Variants in NPAS3 observed in about 807,000 individuals in gnomAD.
NPAS3 encodes neuronal PAS domain-containing protein 3.
A neutral mutation model predicts 73.1 loss-of-function variants in NPAS3; 14 were observed. The ratio of observed to expected loss-of-function variants is 0.19; its 90% CI spans 0.13 to 0.30. The LOEUF is 0.30. Among genes scored for constraint, NPAS3 ranks in the 10% least tolerant of loss-of-function variants. The pLI is 1.00. For synonymous variants in NPAS3, 620 were observed against 541.5 expected, an observed-to-expected ratio of 1.14 and a Z score of -2.01; for missense variants, 1,096 against 1,250.0, an observed-to-expected ratio of 0.88 and a Z score of 1.86.
chr14:33,110,948 A>G (rs927757), intron 2 of NPAS3, among the ~76,000 whole-genome samples: 2 of 151,916 alleles, frequency 1.3e-5, no homozygotes, highest in African/African-American at 4.8e-5. Flanking sequence ...GAAACAAGAG[A>G]GAGGTTGGGA....
intron 2 of NPAS3, among the ~76,000 whole-genome samples, chr14:33,199,139 A>G (rs1197702234): frequency 6.6e-6 from 1 of 152,018 alleles, no homozygotes; most frequent in Non-Finnish European, 1.5e-5. Context: ...ACCTCCCCGC[A>G]AGCAGAGGGA....
At chr14:33,571,379 A>T (rs1019130115) in intron 5 of NPAS3, among the ~76,000 whole-genome samples, 1 of 152,080 alleles carries the variant, frequency 6.6e-6, no homozygotes, top group African/African-American at 2.4e-5. Context: ...GGGCTCGAGG[A>T]GGGGAGCCTG....
At chr14:33,562,000 A>T (rs1193623897) in intron 5 of NPAS3, among the ~76,000 whole-genome samples, 1 of 152,204 alleles carries the variant, frequency 6.6e-6, no homozygotes. Flanking sequence ...TAATTGCATT[A>T]TTCTGGCCAA....
intron 2 of NPAS3, among the ~76,000 whole-genome samples, chr14:33,082,143 G>A (rs1169791736): frequency 6.6e-6 from 1 of 152,160 alleles, no homozygotes; most frequent in African/African-American, 2.4e-5. Flanking sequence ...AACCCAATGA[G>A]AATTGGAACA....
At chr14:32,973,770 C>G (rs975927765) in intron 1 of NPAS3, among the ~76,000 whole-genome samples, 1 of 152,044 alleles carries the variant, frequency 6.6e-6, no homozygotes, top group African/African-American at 2.4e-5. Context: ...CTCCTGAGCT[C>G]AAGTGATCTG....
At chr14:33,129,888 T>G (rs2043570913) in intron 2 of NPAS3, among the ~76,000 whole-genome samples, 1 of 152,168 alleles carries the variant, frequency 6.6e-6, no homozygotes, top group Admixed American at 6.6e-5. Context: ...GACTGGGTGT[T>G]TTTAACTCCT....
chr14:33,544,825 ATATGTG>A (rs2054754555), intron 4 of NPAS3, among the ~76,000 whole-genome samples: 14 of 112,078 alleles, frequency 1.2e-4, no homozygotes, highest in African/African-American at 3.3e-4. Context: ...TATATAATAT[ATATGTG>A]TATATATATA....
intron 4 of NPAS3, among the ~76,000 whole-genome samples, chr14:33,505,485 A>G (rs548990948): frequency 4.5e-4 from 69 of 152,150 alleles, no homozygotes; most frequent in Non-Finnish European, 7.1e-4. Context: ...TGAGTTATTA[A>G]AAGGTCTTTC....
At chr14:33,707,794 A>T (rs956742896) in intron 6 of NPAS3, among the ~76,000 whole-genome samples, 1 of 152,186 alleles carries the variant, frequency 6.6e-6, no homozygotes, top group African/African-American at 2.4e-5. Context: ...CCTGGAGGAA[A>T]GGCAGCCCCA....
At position 33,104,799 on chromosome 14, in the gene NPAS3, C is replaced by A. The variant is rs1370953115; in HGVS notation, c.140+48805C>A. 2.0e-5 allele frequency among the ~76,000 whole-genome samples: 3 copies of A among 152,058 alleles called. No homozygotes were observed. In the East Asian group the frequency reaches 5.8e-4, roughly 29 times the overall value. On this transcript the variant is annotated intron_variant, in intron 2 of 11. Coordinates refer to ENST00000356141, the Ensembl canonical transcript of NPAS3. Reference sequence around the variant, plus strand: ...CAATTCTAGTGGCACCAATTTTAACCAATTTGTCAGACAATTGAGTATGTT... The same window carrying A: ...CAATTCTAGTGGCACCAATTTTAACAAATTTGTCAGACAATTGAGTATGTT...
At chr14:33,663,246 T>C (rs558439056) in intron 5 of NPAS3, among the ~76,000 whole-genome samples, 2 of 152,312 alleles carry the variant, frequency 1.3e-5, no homozygotes, top group Admixed American at 6.5e-5. Context: ...ATACATTCCA[T>C]CAATACCTAG....
intron 3 of NPAS3, among the ~76,000 whole-genome samples, chr14:33,350,404 G>T (rs906856119): frequency 1.3e-5 from 2 of 152,088 alleles, no homozygotes; most frequent in Non-Finnish European, 2.9e-5. Flanking sequence ...CTTTTAGGCC[G>T]GCAGTGTGTG....
chr14:33,281,501 G>T (rs956380213), intron 3 of NPAS3, among the ~76,000 whole-genome samples: 1 of 152,028 alleles, frequency 6.6e-6, no homozygotes, highest in Non-Finnish European at 1.5e-5. Flanking sequence ...GCGTGGTGGT[G>T]CATGTCTGTA....
chr14:33,484,006 G>A (rs2051458026), intron 4 of NPAS3, among the ~76,000 whole-genome samples: 1 of 152,174 alleles, frequency 6.6e-6, no homozygotes, highest in Non-Finnish European at 1.5e-5. Context: ...AGCACCTACT[G>A]TATGCCAGGT....
chr14:33,319,022 G>A lies in NPAS3; in HGVS notation c.386-48164G>A, dbSNP rs535090210. 9.2e-5 allele frequency among the ~76,000 whole-genome samples: 14 copies of A among 152,220 alleles called. 1 individual carries two copies. The South Asian group carries it at 2.9e-3, about 32-fold the overall frequency. ...GTTCATGGTATGCAGATTGGCCGGA[G>A]AGTTTTCCTGTTAGTCTTACCTGAG... On this transcript the variant is annotated intron_variant, in intron 3 of 11. Coordinates refer to ENST00000356141, the Ensembl canonical transcript of NPAS3.
intron 4 of NPAS3, among the ~76,000 whole-genome samples, chr14:33,375,316 C>G (rs936631026): frequency 2.6e-5 from 4 of 152,108 alleles, no homozygotes; most frequent in African/African-American, 9.7e-5. Flanking sequence ...CTGCTTGCCT[C>G]TACAGGGATT....
chr14:33,263,414 AAGATC>A (rs1238202032), intron 3 of NPAS3, among the ~76,000 whole-genome samples: 2 of 152,188 alleles, frequency 1.3e-5, no homozygotes, highest in African/African-American at 4.8e-5. Flanking sequence ...AGGTTTGTCA[AAGATC>A]AGATAGTTGT....
At chr14:33,361,670 T>C (rs1489866792) in intron 3 of NPAS3, among the ~76,000 whole-genome samples, 1 of 152,216 alleles carries the variant, frequency 6.6e-6, no homozygotes, top group Non-Finnish European at 1.5e-5. Flanking sequence ...TTCTTAAAAT[T>C]TCAATTGCAT....
chr14:32,942,417 T>C (rs912567063), intron 1 of NPAS3, among the ~76,000 whole-genome samples: 2 of 152,246 alleles, frequency 1.3e-5, no homozygotes, highest in African/African-American at 4.8e-5. Flanking sequence ...TGGTTACTAT[T>C]TAGTGCTCCT....
Sources: allele counts gnomAD v4.1 joint callset (sites outside exome capture counted in the v4.1 genomes callset), GRCh38; gene constraint gnomAD v4.1.1; transcripts MANE v1.5; gene names NCBI Gene and HGNC (gene_info 2026-07-23, HGNC 2026-07-21).